Variants in DACH2 observed in about 807,000 individuals in gnomAD.
The protein encoded by DACH2 is dachshund family transcription factor 2.
DACH2 carries 17 observed loss-of-function variants against 35.8 expected under a neutral mutation model. The observed-to-expected ratio is 0.48, with a 90% CI of 0.33 to 0.71. The LOEUF (loss-of-function observed/expected upper bound fraction) is 0.71, where lower values mean the gene tolerates loss of function less well. Among genes scored for constraint, DACH2 ranks in the 30% least tolerant of loss-of-function variants. The probability of loss-of-function intolerance (pLI) is 0.02; values close to 1 mark genes in which losing one functional copy is unlikely to be tolerated. For synonymous variants in DACH2, 195 were observed against 177.3 expected, an observed-to-expected ratio of 1.10 and a Z score of -0.79; for missense variants, 469 against 472.7, an observed-to-expected ratio of 0.99 and a Z score of 0.07.
chrX:86,291,632 G>T (rs759426813), intron 1 of DACH2, among the ~76,000 whole-genome samples: 87 of 108,816 alleles, frequency 8.0e-4, no homozygotes, highest in Non-Finnish European at 1.5e-3. Context: ...TGTTTAGCAT[G>T]AAGGGTTGTT....
chrX:86,631,035 G>C (rs1170500338), intron 3 of DACH2, among the ~76,000 whole-genome samples: 1 of 111,915 alleles, frequency 8.9e-6, no homozygotes, highest in Non-Finnish European at 1.9e-5. Context: ...ATTCACTGAC[G>C]TGTAGCAAAA....
In DACH2 at chrX:86,344,932, T is replaced by C. The variant is rs2035472928; in HGVS notation, c.489-31892T>C. Among the ~76,000 whole-genome samples, 4 of 112,056 alleles carry C rather than the reference T, an allele frequency of 3.6e-5. No individual in the cohort carries two copies. In the South Asian group the frequency reaches 1.5e-3, roughly 41 times the overall value. On this transcript the variant is annotated intron_variant, in intron 1 of 11. Transcript: ENST00000373125. Reference sequence around the variant, plus strand: ...TAAATTGTAAATACTTGTGTTTTCTTGTATTCTGGATTTCATGTTACTGAT... The same window carrying C: ...TAAATTGTAAATACTTGTGTTTTCTCGTATTCTGGATTTCATGTTACTGAT...
Position 86,514,398 on chromosome X carries a change from A to G in DACH2, c.640+7A>G, listed in dbSNP as rs2038439231. On this transcript the variant is annotated splice_region_variant and intron_variant, in intron 3 of 11. Transcript: ENST00000373125. ...GGACTTATCACTCCGACAGGTAATA[A>G]AATCCATCTGATGATCAGCCATGTC... 8.4e-7 allele frequency: 1 copy of G among 1,193,313 alleles called. No homozygotes were observed. Among genetic ancestry groups the G allele is most frequent in the African/African-American group, 1.7e-5 (1 of 57,405 alleles).
intron 1 of DACH2, among the ~76,000 whole-genome samples, chrX:86,177,250 A>G (rs1465229350): frequency 1.8e-5 from 2 of 112,418 alleles, no homozygotes; most frequent in South Asian, 3.6e-4. Flanking sequence ...TACAGTGAAG[A>G]ACTTAGAAAT....
At chrX:86,656,034 C>CG (rs1446055748) in intron 4 of DACH2, among the ~76,000 whole-genome samples, 1 of 98,991 alleles carries the variant, frequency 1.0e-5, no homozygotes, top group Admixed American at 1.1e-4. Context: ...AAAGCTCCCC[C>CG]CCCCCACTAA....
intron 2 of DACH2, among the ~76,000 whole-genome samples, chrX:86,399,076 G>C (rs1211829891): frequency 9.0e-6 from 1 of 111,588 alleles, no homozygotes; most frequent in South Asian, 3.8e-4. Flanking sequence ...CTCCTGTATT[G>C]GGTGCATATA....
rs187518521 is a variant in DACH2, at chrX:86,778,708, T to G, written c.1241-34148T>G. ...TCACTGCAACCTCTGCTGTCTGGGT[T>G]CAAGCGGTTCTCCTGCCTCAGGCTC... On this transcript the variant is annotated intron_variant, in intron 7 of 11. Transcript: ENST00000373125. Among the ~76,000 whole-genome samples, 422 of 111,025 alleles carry G rather than the reference T, an allele frequency of 3.8e-3. 3 individuals are homozygous for G. Among genetic ancestry groups the G allele is most frequent in the African/African-American group, 0.013 (400 of 30,461 alleles).
chrX:86,745,055 C>T (rs1262293656), intron 7 of DACH2, among the ~76,000 whole-genome samples: 2 of 110,814 alleles, frequency 1.8e-5, no homozygotes, highest in African/African-American at 6.6e-5. Context: ...TCTCTATGTG[C>T]AAGATGCCCC....
intron 2 of DACH2, among the ~76,000 whole-genome samples, chrX:86,417,417 T>G (rs968154219): frequency 8.9e-6 from 1 of 112,010 alleles, no homozygotes; most frequent in Non-Finnish European, 1.9e-5. Flanking sequence ...TTATTAGACT[T>G]ACAGGGCCAC....
intron 3 of DACH2, among the ~76,000 whole-genome samples, chrX:86,559,977 G>T (rs1602645894): frequency 1.7e-5 from 1 of 58,397 alleles, no homozygotes; most frequent in Non-Finnish European, 2.9e-5. Context: ...ATTTGATCCT[G>T]TCATTATGAT....
intron 4 of DACH2, among the ~76,000 whole-genome samples, chrX:86,668,187 T>A (rs1311801992): frequency 8.9e-6 from 1 of 112,187 alleles, no homozygotes; most frequent in Non-Finnish European, 1.9e-5. Context: ...CAAGTTTTGT[T>A]GTAGCAAATT....
chrX:86,250,055 T>G (rs1274129464), intron 1 of DACH2, among the ~76,000 whole-genome samples: 1 of 110,563 alleles, frequency 9.0e-6, no homozygotes, highest in Non-Finnish European at 1.9e-5. Flanking sequence ...TACCTGATGG[T>G]GGAGGGAGGG....
chrX:86,497,685 G>T (rs1423453347), intron 2 of DACH2, among the ~76,000 whole-genome samples: 1 of 111,849 alleles, frequency 8.9e-6, no homozygotes, highest in Non-Finnish European at 1.9e-5. Flanking sequence ...TCTCAGTCAT[G>T]AGTGGTCAGT....
intron 7 of DACH2, among the ~76,000 whole-genome samples, chrX:86,796,339 C>T (rs1028726983): frequency 1.8e-5 from 2 of 111,226 alleles, no homozygotes; most frequent in East Asian, 5.6e-4. Flanking sequence ...AGACACAGAG[C>T]GCTCCTTGGT....
At chrX:86,421,702 T>C (rs1265000194) in intron 2 of DACH2, among the ~76,000 whole-genome samples, 1 of 111,685 alleles carries the variant, frequency 9.0e-6, no homozygotes, top group Non-Finnish European at 1.9e-5. Context: ...GTAGTATGAA[T>C]ATATTGGTAT....
At position 86,306,688 on chromosome X, in the gene DACH2, A is replaced by G. The variant is rs61145504; in HGVS notation, c.489-70136A>G. On this transcript the variant is annotated intron_variant, in intron 1 of 11. Transcript: ENST00000373125. ...CAAACATTGGACTCCAAGTTCTTCA[A>G]TTTTGCAACTTGGACTGGCTCTCCT... is the stretch of plus-strand genomic sequence containing the variant. Among the ~76,000 whole-genome samples the G allele has an allele frequency of 8.9e-3, 990 of 111,694 alleles. 6 individuals are homozygous for G. The highest frequency in any genetic ancestry group is 0.03 in the African/African-American group (909 of 30,713).
At chrX:86,443,184 T>A (rs1466137216) in intron 2 of DACH2, among the ~76,000 whole-genome samples, 1 of 111,917 alleles carries the variant, frequency 8.9e-6, no homozygotes, top group Non-Finnish European at 1.9e-5. Context: ...ATTAGTCCAA[T>A]CCATAATCGC....
chrX:86,177,235 T>A (rs1279758412), intron 1 of DACH2, among the ~76,000 whole-genome samples: 1 of 112,389 alleles, frequency 8.9e-6, no homozygotes, highest in Non-Finnish European at 1.9e-5. Flanking sequence ...TACAAATCTG[T>A]TAGATACAGT....
At chrX:86,192,462 A>AGTGTAT (rs1173793821) in intron 1 of DACH2, among the ~76,000 whole-genome samples, 10 of 112,069 alleles carry the variant, frequency 8.9e-5, no homozygotes, top group Admixed American at 4.8e-4. Flanking sequence ...GCATGACTTT[A>AGTGTAT]GTGTATGTGT....
Sources: gnomAD v4.1 joint callset for allele counts (sites outside exome capture counted in the v4.1 genomes callset) on GRCh38, gnomAD v4.1.1 for gene constraint, MANE v1.5 for transcripts, NCBI Gene and HGNC (gene_info 2026-07-23, HGNC 2026-07-21) for gene names.